LIMCH1: variants seen among roughly 807,000 people sequenced by gnomAD.
The protein encoded by LIMCH1 is LIM and calponin homology domains 1, also known as LIM and calponin homology domains-containing protein 1.
A neutral mutation model predicts 176.5 loss-of-function variants in LIMCH1; 113 were observed. The observed-to-expected ratio is 0.64, with a 90% CI of 0.55 to 0.75. The LOEUF is 0.75. Among genes scored for constraint, LIMCH1 ranks in the 30% least tolerant of loss-of-function variants. LIMCH1 has a pLI of 0.00. For missense variants in LIMCH1, 1,674 were observed against 1,814.9 expected (o/e 0.92, Z 1.41); for synonymous variants, 619 against 645.9 (o/e 0.96, Z 0.63).
chr4:41,426,017 CTT>C (rs913325890), intron 1 of LIMCH1, among the ~76,000 whole-genome samples: 5 of 102,858 alleles, frequency 4.9e-5, no homozygotes, highest in Admixed American at 2.2e-4. Context: ...TGAAAAGATT[CTT>C]TTTTTTTTTT....
chr4:41,494,438 T>A, intron 1 of LIMCH1: 1 of 762,720 alleles, frequency 1.3e-6, no homozygotes, highest in South Asian at 1.7e-5. Flanking sequence ...CATAGTTATA[T>A]ATATGTACAC....
At chr4:41,682,791 C>T (rs561929106) in intron 26 of LIMCH1, among the ~76,000 whole-genome samples, 100 of 152,036 alleles carry the variant, frequency 6.6e-4, no homozygotes, top group East Asian at 3.7e-3. Context: ...AGTCTCCTCC[C>T]TCAGCCTCCC....
rs202134481 is a variant in LIMCH1 at position 41,419,681 on chromosome 4, C to G, written c.96+58745C>G. 1.1e-4 allele frequency among the ~76,000 whole-genome samples: 6 copies of G among 56,336 alleles called. 1 individual carries two copies. Among genetic ancestry groups the G allele is most frequent in the Admixed American group, 4.3e-4 (2 of 4,606 alleles). 37.0% of individuals were successfully genotyped at this position (56,336 alleles called of 152,430 possible). A position where few individuals can be genotyped will look rare whatever the true frequency, so the allele number is the denominator to read the frequency against. On this transcript the variant is annotated intron_variant, in intron 1 of 26. Transcript: ENST00000313860. ...CCTTCCTTCCTTCCTTCCTTCCTTC[C>G]TCCTTCCTTCCTTCCTTCCTTCCTT... is the stretch of plus-strand genomic sequence containing the variant.
chr4:41,610,679 A>G (rs1208070817), intron 4 of LIMCH1, among the ~76,000 whole-genome samples: 1 of 152,150 alleles, frequency 6.6e-6, no homozygotes, highest in African/African-American at 2.4e-5. Context: ...TTTACAGATG[A>G]GAAAACTGAG....
At position 41,419,591 on chromosome 4, in the gene LIMCH1, CTTCCTTCCTTCCG is replaced by C. The variant is rs1561309370; in HGVS notation, c.96+58657_96+58669del. On this transcript the variant is annotated intron_variant, in intron 1 of 26. Coordinates refer to the LIMCH1 transcript ENST00000313860. ...CCTTCCTTCCTTCCTTCCTTCCTTC[CTTCCTTCCTTCCG>C]TCCTTCCTTCCTTCCTTCCTTCCTT... Among the ~76,000 whole-genome samples, 250 of 88,510 alleles carry C rather than the reference CTTCCTTCCTTCCG, an allele frequency of 2.8e-3. 9 individuals carry two copies. Among genetic ancestry groups the C allele is most frequent in the African/African-American group, 0.016 (217 of 13,674 alleles). 58.1% of individuals were successfully genotyped at this position (88,510 alleles called of 152,430 possible).
intron 1 of LIMCH1, among the ~76,000 whole-genome samples, chr4:41,443,512 A>C (rs961870836): frequency 3.9e-5 from 6 of 152,228 alleles, no homozygotes; most frequent in African/African-American, 1.4e-4. Context: ...TATCCAATGA[A>C]ACCATTCTTC....
At chr4:41,387,876 G>A (rs1432702465) in intron 1 of LIMCH1, among the ~76,000 whole-genome samples, 1 of 152,232 alleles carries the variant, frequency 6.6e-6, no homozygotes, top group African/African-American at 2.4e-5. Context: ...TTGGGAGGCT[G>A]AGGCGGGTGG....
chr4:41,379,293 T>A (rs1297545448), intron 1 of LIMCH1, among the ~76,000 whole-genome samples: 1 of 152,206 alleles, frequency 6.6e-6, no homozygotes, highest in Non-Finnish European at 1.5e-5. Flanking sequence ...TTGCTGGCTG[T>A]TGGCAGGAGG....
At chr4:41,505,755 T>C (rs907273053) in intron 2 of LIMCH1, among the ~76,000 whole-genome samples, 1 of 152,208 alleles carries the variant, frequency 6.6e-6, no homozygotes, top group Admixed American at 6.5e-5. Context: ...CCTTTGTCTT[T>C]GTATTTCACT....
At chr4:41,551,803 G>A (rs144738645) in intron 1 of LIMCH1, among the ~76,000 whole-genome samples, 85 of 152,284 alleles carry the variant, frequency 5.6e-4, no homozygotes, top group African/African-American at 1.9e-3. Flanking sequence ...CACAGTGGCA[G>A]AGTAGATACA....
chr4:41,397,256 C>T (rs1016639029), intron 1 of LIMCH1, among the ~76,000 whole-genome samples: 2 of 152,228 alleles, frequency 1.3e-5, no homozygotes, highest in East Asian at 1.9e-4. Context: ...TTTTGCTACC[C>T]GCCTGAGAAT....
At chr4:41,557,544 C>CTGTGTGTG (rs1027942562) in intron 1 of LIMCH1, among the ~76,000 whole-genome samples, 2 of 99,840 alleles carry the variant, frequency 2.0e-5, no homozygotes, top group African/African-American at 1.9e-4. Context: ...TCTTTATTGC[C>CTGTGTGTG]TCTGTGTGTG....
At chr4:41,612,904 A>G (rs1393107204) in intron 4 of LIMCH1, 1 of 1,427,346 alleles carries the variant, frequency 7.0e-7, no homozygotes, top group Non-Finnish European at 9.1e-7. Context: ...TCCCTTTCAG[A>G]GCAGGAATTT....
At chr4:41,378,522 A>G (rs1487670985) in intron 1 of LIMCH1, among the ~76,000 whole-genome samples, 4 of 152,194 alleles carry the variant, frequency 2.6e-5, no homozygotes, top group African/African-American at 9.6e-5. Flanking sequence ...TTTAGATTTT[A>G]TCTGTAAGCA....
rs547727575 is a variant in LIMCH1 at position 41,606,268 on chromosome 4, C to G, written c.9+264C>G. On this transcript the variant is annotated intron_variant, in intron 4 of 31. Transcript: ENST00000503057. ...TTCCAAAAAAGCAAATTCAATCTAT[C>G]AGTATATGCCTTTGTATGCCAAGAT... Among the ~76,000 whole-genome samples, 6 of 152,292 alleles carry G rather than the reference C, an allele frequency of 3.9e-5. No homozygotes were observed. In the South Asian group the frequency reaches 1.0e-3, roughly 26 times the overall value.
At chr4:41,563,432 A>G (rs1272649321) in intron 1 of LIMCH1, among the ~76,000 whole-genome samples, 2 of 152,198 alleles carry the variant, frequency 1.3e-5, no homozygotes, top group East Asian at 3.8e-4. Flanking sequence ...AACAGCTTGT[A>G]AAATGAAGCA....
chr4:41,666,090 G>A (rs978618778), intron 20 of LIMCH1, among the ~76,000 whole-genome samples: 4 of 152,030 alleles, frequency 2.6e-5, no homozygotes, highest in Admixed American at 1.3e-4. Context: ...ATTTGTGGGG[G>A]GTTATGTAAT....
At position 41,632,873 on chromosome 4, in the gene LIMCH1, G is replaced by T; in HGVS notation, c.1720+6G>T. ...CCCGAGGGGGACAGAGGAAGGTGAGGAGCAGTGTTTCCTGCCTTCCCGGGA... is the reference window on the plus strand; with the variant it reads ...CCCGAGGGGGACAGAGGAAGGTGAGTAGCAGTGTTTCCTGCCTTCCCGGGA... On this transcript the variant is annotated splice_donor_region_variant and intron_variant, in intron 11 of 31. Coordinates refer to ENST00000503057, the MANE Select transcript of LIMCH1 (RefSeq NM_001330672.2). 6.5e-7 allele frequency: 1 copy of T among 1,535,186 alleles called. No homozygotes were observed. Among genetic ancestry groups the T allele is most frequent in the Non-Finnish European group, 8.7e-7 (1 of 1,145,954 alleles).
chr4:41,526,519 C>T (rs1219485731), intron 3 of LIMCH1, among the ~76,000 whole-genome samples: 1 of 152,094 alleles, frequency 6.6e-6, no homozygotes, highest in Non-Finnish European at 1.5e-5. Context: ...AACAGATCGC[C>T]ATCCCGCAAC....
Sources: gnomAD v4.1 joint callset for allele counts (sites outside exome capture counted in the v4.1 genomes callset) on GRCh38, gnomAD v4.1.1 for gene constraint, MANE v1.5 for transcripts, NCBI Gene and HGNC (gene_info 2026-07-23, HGNC 2026-07-21) for gene names.